Variants in HPS4 observed in about 807,000 individuals in gnomAD.
HPS4 encodes BLOC-3 complex member HPS4.
In HPS4, 44 loss-of-function variants were observed where a neutral mutation model predicts 70.3. The ratio of observed to expected loss-of-function variants is 0.63; its 90% confidence interval spans 0.49 to 0.80. The LOEUF (loss-of-function observed/expected upper bound fraction) is 0.80, where lower values mean the gene tolerates loss of function less well. Among genes scored for constraint, HPS4 ranks in the 30% least tolerant of loss-of-function variants. The probability of loss-of-function intolerance (pLI) is 0.00; values close to 1 mark genes in which losing one functional copy is unlikely to be tolerated. For missense variants in HPS4, 873 were observed against 884.4 expected (o/e 0.99, Z 0.16); for synonymous variants, 377 against 355.9 (o/e 1.06, Z -0.67).
intron 3 of HPS4, 49 bp from the exon 4 acceptor site, chr22:26,477,185 C>G: frequency 6.2e-7 from 1 of 1,607,024 alleles, no homozygotes; most frequent in Non-Finnish European, 8.5e-7. Context: ...TTCTTGAACT[C>G]TTAAGTCATT....
intron 13 of HPS4, among the ~76,000 whole-genome samples, chr22:26,456,431 T>G (rs544436785): frequency 5.3e-5 from 8 of 152,186 alleles, no homozygotes; most frequent in Non-Finnish European, 1.2e-4. Context: ...AAGGCCAAGG[T>G]GGGCAGATCA....
Position 26,464,815 on chromosome 22 carries a change from G to A in HPS4, c.815C>T (p.Ser272Phe). The A allele has an allele frequency of 6.3e-7, 1 of 1,592,724 alleles. No individual in the cohort carries two copies. The highest frequency in any genetic ancestry group is 8.5e-7 in the Non-Finnish European group (1 of 1,171,892). The part of the protein sequence containing the change: ...PVEQMTRSLA[S>F]PAGLQDGSAQ... The stretch of plus-strand genomic sequence containing the variant: ...TGAACCATCCTGGAGTCCTGCTGGA[G>A]ATGCTAGAGACCTGGCAAACAAGAG... Residue 272 changes from serine (S) to phenylalanine (F), a missense_variant, in exon 11 of 14, where the codon TCT (serine) becomes TTT (phenylalanine). Coordinates refer to ENST00000398145, the MANE Select transcript of HPS4 (RefSeq NM_022081.6).
chr22:26,453,431 G>A, intron 13 of HPS4, 27 bp from the exon 14 acceptor site: 2 of 1,612,286 alleles, frequency 1.2e-6, no homozygotes, highest in Non-Finnish European at 1.7e-6. Flanking sequence ...GAAGGCAACG[G>A]TCCAATGCTG....
At chr22:26,462,780 TA>T (rs1215645437) in intron 11 of HPS4, among the ~76,000 whole-genome samples, 1 of 152,124 alleles carries the variant, frequency 6.6e-6, no homozygotes, top group Non-Finnish European at 1.5e-5. Flanking sequence ...CGCACTGCTA[TA>T]AGAAGGAGAT....
At chr22:26,456,579 A>C (rs1049317688) in intron 13 of HPS4, among the ~76,000 whole-genome samples, 1 of 152,214 alleles carries the variant, frequency 6.6e-6, no homozygotes, top group African/African-American at 2.4e-5. Flanking sequence ...GAATTGCTTG[A>C]AACCAGGAGA....
chr22:26,451,701 GAGAA>G lies in HPS4; in HGVS notation c.*1528_*1531del, dbSNP rs1183347564. 6.6e-6 allele frequency: 1 copy of G among 152,368 alleles called. No individual in the cohort carries two copies. The highest frequency in any genetic ancestry group is 1.5e-5 in the Non-Finnish European group (1 of 68,168). The allele number at this position is 152,368 out of a possible 1,614,324, so 9.4% of individuals were successfully genotyped here. On this transcript the variant is annotated 3_prime_UTR_variant, in exon 14 of 14. Coordinates refer to ENST00000398145, the MANE Select transcript of HPS4 (RefSeq NM_022081.6). Reference sequence around the variant, plus strand: ...TCCTGGAGCTGCAGCAACCACAGCAGAGAACTTGTAATCAATTTTTTCTGGGAGA... The same window carrying G: ...TCCTGGAGCTGCAGCAACCACAGCAGCTTGTAATCAATTTTTTCTGGGAGA...
intron 2 of HPS4, chr22:26,479,714 A>T (rs2146990078): frequency 1.8e-6 from 2 of 1,085,748 alleles, no homozygotes; most frequent in South Asian, 5.8e-5. Flanking sequence ...TGATAACAAA[A>T]TAAGTTAGGG....
Position 26,468,641 on chromosome 22 carries a change from GAAC to G in HPS4, c.597-21_597-19del, listed in dbSNP as rs750284146. On this transcript the variant is annotated intron_variant, in intron 7 of 13. Coordinates refer to ENST00000398145, the MANE Select transcript of HPS4 (RefSeq NM_022081.6). ...TGACAATCCTAGGAGGTCACACACA[GAAC>G]AAGAACACCATGAGACGAAATACAC... 6.2e-7 allele frequency: 1 copy of G among 1,610,096 alleles called. No homozygotes were observed. Among genetic ancestry groups the G allele is most frequent in the Non-Finnish European group, 8.5e-7 (1 of 1,176,434 alleles).
intron 10 of HPS4, 64 bp from the exon 11 acceptor site, chr22:26,464,890 A>G: frequency 6.9e-7 from 1 of 1,446,536 alleles, no homozygotes; most frequent in Non-Finnish European, 9.3e-7. Flanking sequence ...GTGCCCTTCC[A>G]CAGTGAAGAC....
Position 26,464,466 on chromosome 22 carries a change from G to A in HPS4, c.1164C>T (p.Ala388=). 2 of 1,614,212 alleles carry A rather than the reference G, an allele frequency of 1.2e-6. No homozygotes were observed. Among genetic ancestry groups the A allele is most frequent in the Non-Finnish European group, 1.7e-6 (2 of 1,180,040 alleles). The change falls in exon 11 of 14, where the codon GCC becomes GCT. Residue 388 remains alanine (A), a synonymous_variant. Coordinates refer to ENST00000398145, the MANE Select transcript of HPS4 (RefSeq NM_022081.6). ...QEVEMASGHF[A]FLHVPVPDGR... is the part of the protein sequence containing the mutation. ...CATCTGGAACAGGCACATGTAGGAA[G>A]GCAAAATGACCTGAGGCCATTTCCA...
chr22:26,470,934 G>C (rs183407280), intron 6 of HPS4, 121 bp from the exon 7 acceptor site: 9 of 1,548,956 alleles, frequency 5.8e-6, no homozygotes, highest in Admixed American at 3.9e-5. Flanking sequence ...TGGAAAAGGA[G>C]AATGTGTCAC....
chr22:26,476,905 A>G, intron 4 of HPS4, 88 bp downstream of exon 4: 2 of 1,440,386 alleles, frequency 1.4e-6, no homozygotes, highest in Non-Finnish European at 1.9e-6. Flanking sequence ...GTGGGGGCAG[A>G]TAATTCTAAA....
intron 4 of HPS4, among the ~76,000 whole-genome samples, chr22:26,474,232 A>G (rs2090223387): frequency 6.6e-6 from 1 of 152,260 alleles, no homozygotes; most frequent in Non-Finnish European, 1.5e-5. Flanking sequence ...GAATCTTCAA[A>G]CAGATCTGTG....
intron 3 of HPS4, chr22:26,444,886 T>G (rs2084901182): frequency 6.6e-6 from 1 of 152,238 alleles, no homozygotes; most frequent in Admixed American, 6.5e-5. Context: ...AGGTGCATGA[T>G]TTCTACACAT....
At position 26,464,410 on chromosome 22, in the gene HPS4, C is replaced by G. The variant is rs2088032084; in HGVS notation, c.1220G>C (p.Ser407Thr). 1.9e-6 allele frequency: 3 copies of G among 1,614,058 alleles called. No homozygotes were observed. The Admixed American group carries it at 5.0e-5, about 27-fold the overall frequency. ...GRAPYCKASL[S>T]ASSSLEPTPP... is the part of the protein sequence containing the mutation. ...CGTGGGTTCCAGGCTGCTGGAGGCGCTGAGAGATGCCTTGCAGTAAGGAGC... is the reference window on the plus strand; with the variant it reads ...CGTGGGTTCCAGGCTGCTGGAGGCGGTGAGAGATGCCTTGCAGTAAGGAGC... Residue 407 changes from serine to threonine, a missense_variant, in exon 11 of 14, where the codon AGC becomes ACC. By Grantham distance (58) the Ser-to-Thr change is moderately conservative (BLOSUM62 1). Transcript: ENST00000398145.
chr22:26,443,324 G>T, downstream of HPS4: 2 of 797,630 alleles, frequency 2.5e-6, no homozygotes, highest in South Asian at 1.6e-5. Flanking sequence ...TCAGCGGAAA[G>T]CTCTTATTTG....
In HPS4 at chr22:26,468,593, G is replaced by A. The variant is rs753114322; in HGVS notation, c.627C>T (p.Leu209=). Residue 209 remains leucine (L), a synonymous_variant, in exon 8 of 14, where the codon CTC becomes CTT. Coordinates refer to ENST00000398145, the MANE Select transcript of HPS4 (RefSeq NM_022081.6). The part of the protein sequence containing the change: ...LIVSTQLPPS[L]TAKVLLHRTA... ...TTCGGTGAAGCAGGACCTTGGCGGT[G>A]AGGGAGGGCGGGAGTTGGGTGCTGA... is the stretch of plus-strand genomic sequence containing the variant. The A allele has an allele frequency of 2.5e-6, 4 of 1,613,812 alleles. No homozygotes were observed. Among genetic ancestry groups the A allele is most frequent in the Non-Finnish European group, 3.4e-6 (4 of 1,179,722 alleles).
At position 26,464,407 on chromosome 22, in the gene HPS4, G is replaced by A. The variant is rs1323752267; in HGVS notation, c.1223C>T (p.Ala408Val). Residue 408 changes from alanine (A) to valine (V), a missense_variant, in exon 11 of 14, where the codon GCC (alanine) becomes GTC (valine). By Grantham distance (64) the Ala-to-Val change is moderately conservative (BLOSUM62 0). Coordinates refer to ENST00000398145, the MANE Select transcript of HPS4 (RefSeq NM_022081.6). The stretch of plus-strand genomic sequence containing the variant: ...AGGCGTGGGTTCCAGGCTGCTGGAG[G>A]CGCTGAGAGATGCCTTGCAGTAAGG... ...RAPYCKASLS[A>V]SSSLEPTPPE... 2.5e-6 allele frequency: 4 copies of A among 1,614,098 alleles called. No homozygotes were observed. The highest frequency in any genetic ancestry group is 1.1e-5 in the South Asian group (1 of 91,090).
intron 2 of HPS4, among the ~76,000 whole-genome samples, chr22:26,481,299 AGGGTTGAGAAGGG>A (rs2091263166): frequency 6.6e-6 from 1 of 152,162 alleles, no homozygotes; most frequent in Admixed American, 6.5e-5. Flanking sequence ...TAACGCATTT[AGGGTTGAGAAGGG>A]AACTGGGTTT....
Sources: allele counts gnomAD v4.1 joint callset (sites outside exome capture counted in the v4.1 genomes callset), GRCh38; gene constraint gnomAD v4.1.1; transcripts MANE v1.5; gene names NCBI Gene and HGNC (gene_info 2026-07-23, HGNC 2026-07-21).